The following EGLN1 variants were observed in gnomAD, a reference collection of about 807,000 sequenced individuals.
The protein encoded by EGLN1 is egl-9 family hypoxia inducible factor 1.
In EGLN1, 17 loss-of-function variants were observed where a neutral mutation model predicts 38.3. The observed-to-expected ratio is 0.44, with a 90% CI of 0.30 to 0.67. The LOEUF (loss-of-function observed/expected upper bound fraction) is 0.67. Ranked by LOEUF, EGLN1 falls within the 30% of genes least tolerant of loss-of-function variation. EGLN1 has a pLI of 0.08. For missense variants in EGLN1, 477 were observed against 603.3 expected, an observed-to-expected ratio of 0.79 and a Z score of 2.19; for synonymous variants, 283 against 257.5, an observed-to-expected ratio of 1.10 and a Z score of -0.95.
intron 1 of EGLN1, among the ~76,000 whole-genome samples, chr1:231,403,258 G>A (rs1443227486): frequency 2.0e-5 from 3 of 152,082 alleles, no homozygotes; most frequent in African/African-American, 7.2e-5. Flanking sequence ...AGGTCAAATT[G>A]GTTGATAGTG....
intron 1 of EGLN1, among the ~76,000 whole-genome samples, chr1:231,388,715 C>T (rs954134237): frequency 6.6e-6 from 1 of 152,128 alleles, no homozygotes; most frequent in Admixed American, 6.5e-5. Flanking sequence ...AGTGCAATGG[C>T]GTGATCTCAG....
At chr1:231,386,244 G>C (rs1165167675) in intron 1 of EGLN1, among the ~76,000 whole-genome samples, 2 of 152,010 alleles carry the variant, frequency 1.3e-5, no homozygotes, top group African/African-American at 4.8e-5. Flanking sequence ...AGTTCTATTT[G>C]TATAGAACTC....
At chr1:231,400,288 G>A (rs573105876) in intron 1 of EGLN1, among the ~76,000 whole-genome samples, 6 of 133,426 alleles carry the variant, frequency 4.5e-5, no homozygotes, top group Non-Finnish European at 8.5e-5. Context: ...TTTTATTTTC[G>A]TGGGAAAATA....
chr1:231,417,866 T>C (rs1445688130), intron 1 of EGLN1, among the ~76,000 whole-genome samples: 1 of 152,118 alleles, frequency 6.6e-6, no homozygotes, highest in Non-Finnish European at 1.5e-5. Context: ...TGCCCTGACA[T>C]AAAGAGCATG....
intron 1 of EGLN1, among the ~76,000 whole-genome samples, chr1:231,381,595 T>C (rs1688080187): frequency 6.6e-6 from 1 of 152,208 alleles, no homozygotes; most frequent in South Asian, 2.1e-4. Flanking sequence ...TCAACTTAAG[T>C]ATGATGCTCC....
chr1:231,421,169 C>A lies in EGLN1; in HGVS notation c.720G>T (p.Leu240=). 2 of 1,614,168 alleles carry A rather than the reference C, an allele frequency of 1.2e-6. No individual in the cohort carries two copies. The highest frequency in any genetic ancestry group is 1.7e-6 in the Non-Finnish European group (2 of 1,180,022). The change falls in exon 1 of 5, where the codon CTG becomes CTT. Residue 240 remains leucine, a synonymous_variant. Transcript: ENST00000366641. The surrounding 1 kb of genome is among the most constrained non-coding windows in gnomAD (Gnocchi z 5.5). ...HDTGKFTDGQ[L]VSQKSDSSKD... is the part of the protein sequence containing the mutation. ...TGGACGAGTCACTCTTCTGGCTGAC[C>A]AGCTGCCCGTCCGTGAACTTCCCGG...
rs1333603017 is a variant in EGLN1 at position 231,422,034 on chromosome 1, G to A, written c.-146C>T. 4.6e-6 allele frequency: 4 copies of A among 867,596 alleles called. No individual in the cohort carries two copies. Among genetic ancestry groups the A allele is most frequent in the Non-Finnish European group, 4.7e-6 (3 of 641,454 alleles). 53.7% of individuals were successfully genotyped at this position (867,596 alleles called of 1,614,324 possible). On this transcript the variant is annotated 5_prime_UTR_variant, in exon 1 of 5. Coordinates refer to ENST00000366641, the MANE Select transcript of EGLN1 (RefSeq NM_022051.3). Reference sequence around the variant, plus strand: ...CCGCTACCCTCGCCTCAGGGAGGCCGGCACCCCACGCCCTCGGCCCGGCCG... The same window carrying A: ...CCGCTACCCTCGCCTCAGGGAGGCCAGCACCCCACGCCCTCGGCCCGGCCG...
intron 3 of EGLN1, 102 bp downstream of exon 3, chr1:231,370,460 C>A: frequency 8.0e-7 from 1 of 1,243,762 alleles, no homozygotes; most frequent in Non-Finnish European, 1.2e-6. Flanking sequence ...GTGAAAAGTA[C>A]CTGGCAGGAA....
chr1:231,375,495 C>T (rs956638433), intron 1 of EGLN1, among the ~76,000 whole-genome samples: 3 of 152,186 alleles, frequency 2.0e-5, no homozygotes, highest in Non-Finnish European at 4.4e-5. Context: ...ACTCACTTCC[C>T]ATCCCTAAGA....
intron 1 of EGLN1, among the ~76,000 whole-genome samples, chr1:231,400,875 C>T (rs1168128993): frequency 6.6e-6 from 1 of 152,042 alleles, no homozygotes; most frequent in Non-Finnish European, 1.5e-5. Context: ...CATGGTGAAA[C>T]CCCATCTCTA....
chr1:231,402,899 G>GTA lies in EGLN1; in HGVS notation c.891+18097_891+18098dup, dbSNP rs374868287. Among the ~76,000 whole-genome samples the GTA allele has an allele frequency of 3.3e-3, 425 of 127,782 alleles. 3 individuals carry two copies. Among genetic ancestry groups the GTA allele is most frequent in the African/African-American group, 0.011 (404 of 36,822 alleles). 83.8% of individuals were successfully genotyped at this position (127,782 alleles called of 152,430 possible). A position where few individuals can be genotyped will look rare whatever the true frequency, so the allele number is the denominator to read the frequency against. On this transcript the variant is annotated intron_variant, in intron 1 of 4. Coordinates refer to ENST00000366641, the MANE Select transcript of EGLN1 (RefSeq NM_022051.3). ...ACCTAGCCAGTACTGAATTTCCTTA[G>GTA]TATCTTTATTAAAAAAAAAAAATCA... is the stretch of plus-strand genomic sequence containing the variant.
chr1:231,416,168 T>A (rs1030409300), intron 1 of EGLN1, among the ~76,000 whole-genome samples: 1 of 149,094 alleles, frequency 6.7e-6, no homozygotes. Flanking sequence ...TTCTTAATAA[T>A]TTTTTTTTTA....
intron 1 of EGLN1, among the ~76,000 whole-genome samples, chr1:231,376,060 T>C (rs1471768207): frequency 1.3e-5 from 2 of 152,172 alleles, no homozygotes; most frequent in South Asian, 2.1e-4. Flanking sequence ...ACATCGACTA[T>C]GTATATGAAA....
chr1:231,374,208 T>C, intron 1 of EGLN1, 109 bp from the exon 2 acceptor site: 1 of 935,268 alleles, frequency 1.1e-6, no homozygotes, highest in Non-Finnish European at 1.7e-6. Context: ...CTTAGATTCT[T>C]CTAATAAAAA....
In EGLN1 at chr1:231,421,703, C is replaced by G. The variant is rs1159627786; in HGVS notation, c.186G>C (p.Glu62Asp). Residue 62 changes from glutamate (E) to aspartate (D), a missense_variant, in exon 1 of 5, where the codon GAG (glutamate) becomes GAC (aspartate). This residue lies in a region of EGLN1 where 298 missense variants were observed against 288.9 expected (regional missense o/e 1.03). Transcript: ENST00000366641. This position sits in a 1 kb window ranked among gnomAD's most constrained non-coding sequence, Gnocchi z 5.5. Reference protein sequence around the residue: ...KKHKLVCQGSEGALGHGVGPH... With the variant: ...KKHKLVCQGSDGALGHGVGPH... ...GGCCCACTCCGTGGCCGAGGGCGCC[C>G]TCGCTGCCCTGGCACACGAGCTTGT... The G allele has an allele frequency of 3.3e-6, 5 of 1,515,898 alleles. No homozygotes were observed. In the African/African-American group the frequency reaches 4.3e-5, roughly 13 times the overall value. The allele number at this position is 1,515,898 out of a possible 1,614,324, so 93.9% of individuals were successfully genotyped here. A position where few individuals can be genotyped will look rare whatever the true frequency, so the allele number is the denominator to read the frequency against.
At chr1:231,397,679 T>C (rs1688564788) in intron 1 of EGLN1, among the ~76,000 whole-genome samples, 1 of 152,218 alleles carries the variant, frequency 6.6e-6, no homozygotes, top group Non-Finnish European at 1.5e-5. Context: ...GTGTTTTGTC[T>C]TTATGTCTTC....
chr1:231,367,655 T>G lies in EGLN1; in HGVS notation c.1149-19A>C. ...TGCGTACCTAAAAGAAAATTTAGAA[T>G]AGGATAAGAATGATCACACTGCGGG... On this transcript the variant is annotated intron_variant, in intron 3 of 4. Coordinates refer to ENST00000366641, the MANE Select transcript of EGLN1 (RefSeq NM_022051.3). The G allele has an allele frequency of 2.5e-6, 4 of 1,609,602 alleles. No homozygotes were observed. Among genetic ancestry groups the G allele is most frequent in the African/African-American group, 1.3e-5 (1 of 74,998 alleles).
chr1:231,399,563 G>A (rs995069625), intron 1 of EGLN1, among the ~76,000 whole-genome samples: 1 of 152,162 alleles, frequency 6.6e-6, no homozygotes, highest in Admixed American at 6.5e-5. Context: ...GCCAACAGAG[G>A]AGAATAAAGC....
At chr1:231,403,767 CA>C (rs1167705317) in intron 1 of EGLN1, among the ~76,000 whole-genome samples, 571 of 18,268 alleles carry the variant, frequency 0.031, no homozygotes, top group African/African-American at 0.08. Context: ...GACTCCATCT[CA>C]AAAAAAAAAA....
Sources: gnomAD v4.1 joint callset for allele counts (sites outside exome capture counted in the v4.1 genomes callset) on GRCh38, gnomAD v4.1.1 for gene constraint, gnomAD v4.1.1 regional missense constraint, Gnocchi (gnomAD v3.1) non-coding constraint, MANE v1.5 for transcripts, NCBI Gene and HGNC (gene_info 2026-07-23, HGNC 2026-07-21) for gene names.